The following SRGAP3 variants were observed in gnomAD, a reference collection of about 807,000 sequenced individuals.
SRGAP3 encodes the protein SLIT-ROBO Rho GTPase-activating protein 3.
SRGAP3 carries 39 observed loss-of-function variants against 121.1 expected under a neutral mutation model. The observed-to-expected ratio is 0.32, with a 90% CI of 0.25 to 0.42. The LOEUF (loss-of-function observed/expected upper bound fraction) is 0.42. Ranked by LOEUF, SRGAP3 falls within the 10% of genes least tolerant of loss-of-function variation. The probability of loss-of-function intolerance (pLI) is 1.00; values close to 1 mark genes in which losing one functional copy is unlikely to be tolerated. For missense variants in SRGAP3, 1,213 were observed against 1,470.6 expected, an observed-to-expected ratio of 0.82 and a Z score of 2.86; for synonymous variants, 601 against 570.0, an observed-to-expected ratio of 1.05 and a Z score of -0.77.
intron 3 of SRGAP3, among the ~76,000 whole-genome samples, chr3:9,294,518 TTAAAA>T (rs1292258360): frequency 4.7e-5 from 7 of 148,482 alleles, no homozygotes; most frequent in Non-Finnish European, 7.4e-5. Context: ...ATCCTGGAAC[TTAAAA>T]TAAAAGTAAA....
At chr3:9,236,744 C>G (rs916302560) in intron 1 of SRGAP3, among the ~76,000 whole-genome samples, 4 of 152,188 alleles carry the variant, frequency 2.6e-5, no homozygotes, top group Non-Finnish European at 5.9e-5. Flanking sequence ...AACCTCTTTT[C>G]TTTATAAAGT....
At chr3:9,203,648 T>TG (rs1952149086) in intron 1 of SRGAP3, among the ~76,000 whole-genome samples, 1 of 152,208 alleles carries the variant, frequency 6.6e-6, no homozygotes, top group Non-Finnish European at 1.5e-5. Flanking sequence ...TCCCTTATAT[T>TG]GGCCCCTGAG....
chr3:8,993,037 G>A lies in SRGAP3; in HGVS notation c.2427C>T (p.Asp809=). ...VVQDMDDAFS[D]SLSQKADSEA... is the part of the protein sequence containing the mutation. ...CGCTGTCAGCCTTCTGGCTCAGGCT[G>A]TCGGAGAAGGCATCATCCCTGGGGA... Residue 809 remains aspartate, a synonymous_variant, in exon 20 of 22, where the codon GAC becomes GAT. Transcript: ENST00000383836. The A allele has an allele frequency of 2.5e-6, 4 of 1,614,192 alleles. No homozygotes were observed. The highest frequency in any genetic ancestry group is 3.4e-6 in the Non-Finnish European group (4 of 1,180,046).
At chr3:9,011,733 C>G (rs758255704) in intron 17 of SRGAP3, among the ~76,000 whole-genome samples, 4 of 152,176 alleles carry the variant, frequency 2.6e-5, no homozygotes, top group Non-Finnish European at 4.4e-5. Context: ...GAATCCAGCC[C>G]ACAACAGATG....
intron 12 of SRGAP3, 81 bp from the exon 13 acceptor site, chr3:9,027,076 C>T (rs1944243847): frequency 2.3e-6 from 3 of 1,289,852 alleles, no homozygotes; most frequent in East Asian, 4.6e-5. Flanking sequence ...CGATTACAGA[C>T]TCAAGCCAGA....
intron 2 of SRGAP3, among the ~76,000 whole-genome samples, chr3:9,123,374 T>A (rs537716893): frequency 0.042 from 794 of 18,726 alleles, 3 homozygotes; most frequent in African/African-American, 0.11. Flanking sequence ...AATTAAAAAA[T>A]ATATATATAT....
At chr3:9,287,502 G>T (rs997230351) in intron 3 of SRGAP3, among the ~76,000 whole-genome samples, 6 of 152,154 alleles carry the variant, frequency 3.9e-5, no homozygotes, top group African/African-American at 1.4e-4. Flanking sequence ...GCATATGTAA[G>T]ATATTTTAGT....
chr3:9,229,669 A>C (rs1371645292), intron 1 of SRGAP3, among the ~76,000 whole-genome samples: 1 of 152,210 alleles, frequency 6.6e-6, no homozygotes, highest in African/African-American at 2.4e-5. Flanking sequence ...CTGGCATCCT[A>C]ACCAAATGCC....
At position 9,091,943 on chromosome 3, in the gene SRGAP3, T is replaced by G. The variant is rs939907570; in HGVS notation, c.424-11856A>C. On this transcript the variant is annotated intron_variant, in intron 3 of 21. Coordinates refer to ENST00000383836, the MANE Select transcript of SRGAP3 (RefSeq NM_014850.4). ...TTGTCATCTACTCATTTTTCAAGAA[T>G]GCAGATTCGAGTCCTTAGGTCTTCC... 2.6e-5 allele frequency among the ~76,000 whole-genome samples: 4 copies of G among 152,164 alleles called. No homozygotes were observed. In the East Asian group the frequency reaches 5.8e-4, roughly 22 times the overall value.
intron 1 of SRGAP3, among the ~76,000 whole-genome samples, chr3:9,130,438 A>T (rs1949402655): frequency 6.6e-6 from 1 of 152,214 alleles, no homozygotes; most frequent in Non-Finnish European, 1.5e-5. Flanking sequence ...ACACAGTCAT[A>T]AAAATATAAC....
chr3:8,988,576 C>T (rs925209923), intron 21 of SRGAP3, among the ~76,000 whole-genome samples: 12 of 152,252 alleles, frequency 7.9e-5, no homozygotes, highest in African/African-American at 2.2e-4. Context: ...AGGGGCAGGT[C>T]GTGCAAAACG....
chr3:9,334,795 C>T (rs1470259624), intron 1 of SRGAP3, among the ~76,000 whole-genome samples: 5 of 152,200 alleles, frequency 3.3e-5, no homozygotes, highest in Non-Finnish European at 5.9e-5. Context: ...AGAAATCGTG[C>T]TCTGCTACTA....
At chr3:9,237,850 C>T (rs1480150387) in intron 1 of SRGAP3, among the ~76,000 whole-genome samples, 1 of 152,188 alleles carries the variant, frequency 6.6e-6, no homozygotes, top group African/African-American at 2.4e-5. Context: ...AGGGAAGTGA[C>T]ATGGCCAGAT....
At chr3:9,287,183 G>C (rs1029207156) in intron 3 of SRGAP3, among the ~76,000 whole-genome samples, 6 of 151,618 alleles carry the variant, frequency 4.0e-5, no homozygotes, top group African/African-American at 1.5e-4. Context: ...GTAGAGACAG[G>C]GTTTCACCAT....
chr3:9,124,998 C>T (rs1487493753), intron 1 of SRGAP3, 81 bp from the exon 2 acceptor site: 1 of 1,545,834 alleles, frequency 6.5e-7, no homozygotes. Flanking sequence ...TGGCCTGGGC[C>T]CTGCAATTCA....
At chr3:9,130,357 A>G (rs1436426670) in intron 1 of SRGAP3, among the ~76,000 whole-genome samples, 1 of 152,216 alleles carries the variant, frequency 6.6e-6, no homozygotes, top group African/African-American at 2.4e-5. Context: ...CCCCTCTTAG[A>G]TGGTCTACCT....
intron 1 of SRGAP3, among the ~76,000 whole-genome samples, chr3:9,170,815 A>G (rs1401144387): frequency 2.0e-5 from 3 of 152,138 alleles, no homozygotes; most frequent in Non-Finnish European, 4.4e-5. Context: ...ACAGCTCAGC[A>G]CTGCTCCTCT....
intron 1 of SRGAP3, chr3:9,194,374 C>T (rs145726696): frequency 3.3e-5 from 5 of 152,044 alleles, no homozygotes; most frequent in Non-Finnish European, 5.9e-5. Flanking sequence ...TATGTCATAA[C>T]GTTGATAAAC....
intron 3 of SRGAP3, among the ~76,000 whole-genome samples, chr3:9,263,140 G>A (rs1236389000): frequency 6.6e-6 from 1 of 152,082 alleles, no homozygotes. Flanking sequence ...CGAAATTAAG[G>A]CAAAAATAAA....
Sources: gnomAD v4.1 joint callset for allele counts (sites outside exome capture counted in the v4.1 genomes callset) on GRCh38, gnomAD v4.1.1 for gene constraint, MANE v1.5 for transcripts, NCBI Gene and HGNC (gene_info 2026-07-23, HGNC 2026-07-21) for gene names.